Variants in CSMD3 observed in about 807,000 individuals in gnomAD.
The protein encoded by CSMD3 is CUB and sushi domain-containing protein 3.
A neutral mutation model predicts 435.2 loss-of-function variants in CSMD3; 177 were observed. The ratio of observed to expected loss-of-function variants is 0.41; its 90% CI spans 0.36 to 0.46. The LOEUF is 0.46. Ranked by LOEUF, CSMD3 falls within the 20% of genes least tolerant of loss-of-function variation. The pLI is 0.34. For synonymous variants in CSMD3, 1,656 were observed against 1,520.5 expected (o/e 1.09, Z -2.07); for missense variants, 4,265 against 4,504.6 (o/e 0.95, Z 1.52).
At chr8:113,243,352 T>A (rs2093240307) in intron 3 of CSMD3, among the ~76,000 whole-genome samples, 1 of 152,008 alleles carries the variant, frequency 6.6e-6, no homozygotes, top group South Asian at 2.1e-4. Flanking sequence ...TTTATTTTCA[T>A]CAGTATATTT....
At chr8:113,422,832 T>G (rs2129965747) in intron 1 of CSMD3, among the ~76,000 whole-genome samples, 1 of 152,222 alleles carries the variant, frequency 6.6e-6, no homozygotes. Flanking sequence ...ACTTGACAGA[T>G]AACATTGTAT....
chr8:112,281,210 T>C lies in CSMD3; in HGVS notation c.9472A>G (p.Asn3158Asp), dbSNP rs1161338655. Residue 3158 changes from asparagine to aspartate, a missense_variant, in exon 59 of 71, where the codon AAT becomes GAT. Transcript: ENST00000297405. ...GGTAAAGTTCCAGACCATGTTCCAT[T>C]GGCTGTGCACTGTCTAACTGAAGGT... The part of the protein sequence containing the change: ...SGPSVRQCTA[N>D]GTWSGTLPNC... 6 of 1,613,346 alleles carry C rather than the reference T, an allele frequency of 3.7e-6. No homozygotes were observed. The highest frequency in any genetic ancestry group is 1.3e-5 in the African/African-American group (1 of 75,022).
In CSMD3 at chr8:112,289,377, G is replaced by T; in HGVS notation, c.9136C>A (p.Pro3046Thr). 1 of 1,613,008 alleles carries T rather than the reference G, an allele frequency of 6.2e-7. No homozygotes were observed. The highest frequency in any genetic ancestry group is 8.5e-7 in the Non-Finnish European group (1 of 1,179,290). The change falls in exon 57 of 71, where the codon CCT becomes ACT. Residue 3046 changes from proline (P) to threonine (T), a missense_variant. Physicochemically the swap from Pro to Thr is conservative, Grantham distance 38. Transcript: ENST00000297405. Reference protein sequence around the residue: ...QLNGHWSGSQPHCSGDATGTC... With the variant: ...QLNGHWSGSQTHCSGDATGTC... ...TTCCAAGTGGTACCTGAACAATGAG[G>T]TTGTGATCCACTCCAATGGCCATTC...
intron 3 of CSMD3, among the ~76,000 whole-genome samples, chr8:113,192,882 G>A (rs2092605506): frequency 6.6e-6 from 1 of 151,590 alleles, no homozygotes; most frequent in African/African-American, 2.4e-5. Context: ...GAAATCAGAT[G>A]ATTTTTGTTT....
intron 38 of CSMD3, among the ~76,000 whole-genome samples, chr8:112,371,328 C>A (rs2131180382): frequency 6.6e-6 from 1 of 152,292 alleles, no homozygotes; most frequent in African/African-American, 2.4e-5. Flanking sequence ...AATACGACAT[C>A]TCAAACAGTT....
chr8:112,762,901 C>T (rs1339111375), intron 13 of CSMD3, among the ~76,000 whole-genome samples: 1 of 151,772 alleles, frequency 6.6e-6, no homozygotes, highest in Non-Finnish European at 1.5e-5. Flanking sequence ...ATGCTGAAAT[C>T]TTAGCGATGG....
intron 65 of CSMD3, among the ~76,000 whole-genome samples, 178 bp from the exon 66 acceptor site, chr8:112,241,963 C>T (rs571326172): frequency 1.3e-5 from 2 of 152,050 alleles, no homozygotes; most frequent in Non-Finnish European, 2.9e-5. Flanking sequence ...CAGTCCCCTA[C>T]TCAGCACTCG....
At position 112,639,522 on chromosome 8, in the gene CSMD3, A is replaced by AC. The variant is rs1223705925; in HGVS notation, c.3311-612_3311-611insG. 4.6e-5 allele frequency among the ~76,000 whole-genome samples: 7 copies of AC among 152,290 alleles called. No individual in the cohort carries two copies. The East Asian group carries it at 9.6e-4, about 21-fold the overall frequency. ...TCGGACACCTTTGTAAATAGTATCC[A>AC]AATCAATAGCCACAATAATACCAAC... is the stretch of plus-strand genomic sequence containing the variant. On this transcript the variant is annotated intron_variant, in intron 20 of 70. Transcript: ENST00000297405.
intron 1 of CSMD3, among the ~76,000 whole-genome samples, chr8:113,381,883 C>T (rs928853094): frequency 6.6e-6 from 1 of 152,100 alleles, no homozygotes; most frequent in Non-Finnish European, 1.5e-5. Flanking sequence ...TGCCCATTCA[C>T]AAATAGATAA....
chr8:113,019,917 A>C (rs111295144), intron 5 of CSMD3, among the ~76,000 whole-genome samples: 8 of 151,688 alleles, frequency 5.3e-5, no homozygotes, highest in African/African-American at 1.7e-4. Flanking sequence ...TAATCCCAGC[A>C]CTTTGGGAGG....
chr8:113,382,809 C>A (rs545372347), intron 1 of CSMD3, among the ~76,000 whole-genome samples: 4 of 151,864 alleles, frequency 2.6e-5, no homozygotes, highest in African/African-American at 9.7e-5. Context: ...GATGAAACCC[C>A]GTCTCTACTA....
chr8:112,962,261 TA>T (rs2084259415), intron 7 of CSMD3, among the ~76,000 whole-genome samples: 1 of 151,848 alleles, frequency 6.6e-6, no homozygotes, highest in Non-Finnish European at 1.5e-5. Context: ...AATTTTATCA[TA>T]GATAATTTGA....
intron 10 of CSMD3, among the ~76,000 whole-genome samples, chr8:112,889,775 A>G (rs1285968326): frequency 1.3e-5 from 2 of 151,712 alleles, no homozygotes; most frequent in Non-Finnish European, 3.0e-5. Context: ...AAGTAACTTT[A>G]AACTAGAATA....
At chr8:112,439,318 T>C (rs1814722652) in intron 32 of CSMD3, among the ~76,000 whole-genome samples, 1 of 152,070 alleles carries the variant, frequency 6.6e-6, no homozygotes, top group Admixed American at 6.6e-5. Flanking sequence ...TTTTTTGTAT[T>C]TTTGTAGAGA....
intron 38 of CSMD3, among the ~76,000 whole-genome samples, chr8:112,361,660 G>A (rs1296802675): frequency 2.3e-5 from 3 of 132,824 alleles, no homozygotes; most frequent in Non-Finnish European, 3.1e-5. Flanking sequence ...AGTGATTAAC[G>A]CATTGAGATA....
At chr8:112,811,217 A>G (rs1182202039) in intron 12 of CSMD3, among the ~76,000 whole-genome samples, 1 of 152,050 alleles carries the variant, frequency 6.6e-6, no homozygotes, top group African/African-American at 2.4e-5. Context: ...CGTGTTATAA[A>G]ATAGTAACAA....
intron 19 of CSMD3, among the ~76,000 whole-genome samples, chr8:112,646,864 G>T (rs944332186): frequency 6.6e-6 from 1 of 152,134 alleles, no homozygotes; most frequent in African/African-American, 2.4e-5. Flanking sequence ...CTAAAAACAT[G>T]AAGACATAAA....
chr8:112,401,385 C>T (rs974519256), intron 35 of CSMD3, among the ~76,000 whole-genome samples: 2 of 151,826 alleles, frequency 1.3e-5, no homozygotes, highest in Non-Finnish European at 2.9e-5. Context: ...TTTCTCCCAT[C>T]TATATCTTGC....
chr8:112,929,195 T>A (rs2083015579), intron 9 of CSMD3, among the ~76,000 whole-genome samples: 1 of 131,604 alleles, frequency 7.6e-6, no homozygotes, highest in East Asian at 2.3e-4. Context: ...TAGCCCTTTG[T>A]CAGATGAGTA....
Sources: gnomAD v4.1 joint callset for allele counts (sites outside exome capture counted in the v4.1 genomes callset) on GRCh38, gnomAD v4.1.1 for gene constraint, MANE v1.5 for transcripts, NCBI Gene and HGNC (gene_info 2026-07-23, HGNC 2026-07-21) for gene names.